The following LINGO2 variants were observed in gnomAD, a reference collection of about 807,000 sequenced individuals.
LINGO2 encodes leucine rich repeat and Ig domain containing 2.
In LINGO2, 14 loss-of-function variants were observed where a neutral mutation model predicts 30.6. The observed-to-expected ratio is 0.46, with a 90% confidence interval of 0.30 to 0.72. LINGO2 has a LOEUF of 0.72. Ranked by LOEUF, LINGO2 falls within the 30% of genes least tolerant of loss-of-function variation. LINGO2 has a pLI of 0.07. For missense variants in LINGO2, 729 were observed against 751.7 expected (o/e 0.97, Z 0.35); for synonymous variants, 317 against 288.5 (o/e 1.10, Z -1.00).
chr9:28,828,255 G>A, the LINGO2 span, among the ~76,000 whole-genome samples: 4 of 152,074 alleles, frequency 2.6e-5, no homozygotes, highest in South Asian at 2.1e-4. Flanking sequence ...ATTTGGCAAT[G>A]TGGTTAAGTT....
intron 3 of LINGO2, among the ~76,000 whole-genome samples, chr9:28,338,573 G>A (rs146075484): frequency 0.032 from 4,849 of 152,174 alleles, 134 homozygotes; most frequent in Non-Finnish European, 0.043. Flanking sequence ...ATCTTGAATT[G>A]TAGTTCCTAT....
intron 1 of LINGO2, among the ~76,000 whole-genome samples, chr9:28,477,548 A>C (rs1166204734): frequency 6.6e-6 from 1 of 152,064 alleles, no homozygotes; most frequent in Non-Finnish European, 1.5e-5. Flanking sequence ...AAACTGAAAC[A>C]TTTGCCTTGT....
chr9:28,606,457 A>T (rs548781165), intron 1 of LINGO2, among the ~76,000 whole-genome samples: 8 of 152,122 alleles, frequency 5.3e-5, no homozygotes, highest in African/African-American at 1.7e-4. Flanking sequence ...ATATAGATAT[A>T]ATACCACTAT....
At chr9:29,048,372 AT>A in the LINGO2 span, among the ~76,000 whole-genome samples, 1 of 152,066 alleles carries the variant, frequency 6.6e-6, no homozygotes, top group East Asian at 1.9e-4. Flanking sequence ...GGAAGAAAAA[AT>A]ATTGTTAAAA....
intron 1 of LINGO2, among the ~76,000 whole-genome samples, chr9:28,505,147 T>C (rs1820058538): frequency 6.6e-6 from 1 of 151,612 alleles, no homozygotes; most frequent in South Asian, 2.1e-4. Flanking sequence ...CCAACTATAA[T>C]GATTTGGCCA....
chr9:28,354,875 T>C (rs1184651829), intron 3 of LINGO2, among the ~76,000 whole-genome samples: 2 of 152,164 alleles, frequency 1.3e-5, no homozygotes, highest in East Asian at 3.9e-4. Context: ...AAATAAAACC[T>C]AGTGATATCA....
intron 5 of LINGO2, among the ~76,000 whole-genome samples, chr9:27,995,016 A>T (rs1821587523): frequency 6.6e-6 from 1 of 152,160 alleles, no homozygotes; most frequent in African/African-American, 2.4e-5. Context: ...AATAACCAGG[A>T]TTCCTGAACC....
At chr9:29,206,976 C>T in the LINGO2 span, among the ~76,000 whole-genome samples, 1 of 151,932 alleles carries the variant, frequency 6.6e-6, no homozygotes, top group Non-Finnish European at 1.5e-5. Context: ...AGGTGACAGT[C>T]ACATCCTCAC....
intron 5 of LINGO2, among the ~76,000 whole-genome samples, chr9:27,992,350 C>T (rs1320292736): frequency 6.6e-6 from 1 of 152,002 alleles, no homozygotes; most frequent in Non-Finnish European, 1.5e-5. Flanking sequence ...CTACATAAAT[C>T]ATGATGTGTT....
At chr9:29,015,399 C>G in the LINGO2 span, among the ~76,000 whole-genome samples, 2 of 152,260 alleles carry the variant, frequency 1.3e-5, no homozygotes, top group Non-Finnish European at 2.9e-5. Flanking sequence ...AGTCAGCACA[C>G]TTTTTCTATA....
intron 4 of LINGO2, among the ~76,000 whole-genome samples, chr9:28,138,541 T>C (rs1827581351): frequency 6.6e-6 from 1 of 152,216 alleles, no homozygotes; most frequent in Non-Finnish European, 1.5e-5. Context: ...GATAATGTAA[T>C]TTTCCTTCAT....
intron 1 of LINGO2, among the ~76,000 whole-genome samples, chr9:28,509,895 A>C (rs891474066): frequency 1.3e-5 from 2 of 152,230 alleles, no homozygotes; most frequent in African/African-American, 4.8e-5. Flanking sequence ...TATTTTAACA[A>C]AACCTAAATA....
chr9:28,942,502 C>G, the LINGO2 span, among the ~76,000 whole-genome samples: 1 of 152,290 alleles, frequency 6.6e-6, no homozygotes. Context: ...GGGTGTGAAT[C>G]TCTGTCCCTT....
At chr9:28,846,536 A>G in the LINGO2 span, among the ~76,000 whole-genome samples, 5 of 148,282 alleles carry the variant, frequency 3.4e-5, no homozygotes, top group East Asian at 7.9e-4. Context: ...CACCTACCAG[A>G]TAACACTGCA....
At chr9:28,343,836 G>C (rs1331886) in intron 3 of LINGO2, among the ~76,000 whole-genome samples, 97,017 of 151,854 alleles carry the variant, frequency 0.64, 31,869 homozygotes, top group African/African-American at 0.8. Context: ...ATGCCTAAAC[G>C]CGACATTAAG....
At chr9:28,542,877 C>G (rs1821763568) in intron 1 of LINGO2, among the ~76,000 whole-genome samples, 1 of 151,982 alleles carries the variant, frequency 6.6e-6, no homozygotes, top group South Asian at 2.1e-4. Flanking sequence ...CTTCAGTAAA[C>G]TCTGTTACAT....
At chr9:28,742,726 ACTTTTTGATTAACC>A in the LINGO2 span, among the ~76,000 whole-genome samples, 2,623 of 151,784 alleles carry the variant, frequency 0.017, 86 homozygotes, top group African/African-American at 0.061. Context: ...AGTTACATTC[ACTTTTTGATTAACC>A]CTTTTTGATT....
chr9:28,421,030 T>A (rs1318852852), intron 2 of LINGO2, among the ~76,000 whole-genome samples: 3 of 152,008 alleles, frequency 2.0e-5, no homozygotes, highest in African/African-American at 7.2e-5. Context: ...AATAAGCCAT[T>A]TAATATCTCC....
the LINGO2 span, among the ~76,000 whole-genome samples, chr9:28,996,305 C>T: frequency 6.6e-6 from 1 of 152,196 alleles, no homozygotes; most frequent in South Asian, 2.1e-4. Context: ...TATTGTGTCA[C>T]TGTGGGCTGA....
Sources: gnomAD v4.1 joint callset for allele counts (sites outside exome capture counted in the v4.1 genomes callset) on GRCh38, gnomAD v4.1.1 for gene constraint, MANE v1.5 for transcripts, NCBI Gene and HGNC (gene_info 2026-07-23, HGNC 2026-07-21) for gene names.